FILIP1: variants seen among roughly 807,000 people sequenced by gnomAD.
FILIP1 encodes filamin A interacting protein 1.
In FILIP1, 61 loss-of-function variants were observed where a neutral mutation model predicts 102.1. The ratio of observed to expected loss-of-function variants is 0.60; its 90% CI spans 0.49 to 0.74. The LOEUF (loss-of-function observed/expected upper bound fraction) is 0.74. Among genes scored for constraint, FILIP1 ranks in the 30% least tolerant of loss-of-function variants. FILIP1 has a pLI of 0.00. For missense variants in FILIP1, 1,314 were observed against 1,441.2 expected, an observed-to-expected ratio of 0.91 and a Z score of 1.43; for synonymous variants, 491 against 526.9, an observed-to-expected ratio of 0.93 and a Z score of 0.93.
chr6:75,315,160 G>A lies in FILIP1; in HGVS notation c.672C>T (p.Arg224=), dbSNP rs1381648319. The A allele has an allele frequency of 6.3e-7, 1 of 1,581,434 alleles. No individual in the cohort carries two copies. Among genetic ancestry groups the A allele is most frequent in the East Asian group, 2.3e-5 (1 of 44,444 alleles). The change falls in exon 5 of 6, where the codon CGC becomes CGT. Residue 224 remains arginine, a synonymous_variant. Coordinates refer to ENST00000237172, the MANE Select transcript of FILIP1 (RefSeq NM_015687.5). The part of the protein sequence containing the change: ...LLEQEKAYQA[R]KEKENAKRLN... The stretch of plus-strand genomic sequence containing the variant: ...GTCGTTTAGCATTTTCCTTTTCTTT[G>A]CGGGCTTGATAAGCCTTTTCTTGTT...
intron 6 of FILIP1, chr6:75,295,994 C>A: frequency 1.5e-6 from 2 of 1,312,086 alleles, no homozygotes; most frequent in Non-Finnish European, 1.0e-6. Flanking sequence ...TAAACTGAAA[C>A]TGAGAATCAA....
At chr6:75,326,655 A>G (rs1773875815) in intron 4 of FILIP1, among the ~76,000 whole-genome samples, 1 of 152,238 alleles carries the variant, frequency 6.6e-6, no homozygotes, top group African/African-American at 2.4e-5. Context: ...TGAGCAAGGC[A>G]ATACTATACC....
At chr6:75,464,885 T>C (rs1007629233) in intron 1 of FILIP1, among the ~76,000 whole-genome samples, 1 of 152,130 alleles carries the variant, frequency 6.6e-6, no homozygotes, top group African/African-American at 2.4e-5. Flanking sequence ...TTCTCTCACA[T>C]CCACATCCAA....
intron 3 of FILIP1, among the ~76,000 whole-genome samples, chr6:75,362,207 T>C (rs547250347): frequency 5.8e-4 from 88 of 152,358 alleles, no homozygotes; most frequent in African/African-American, 2.1e-3. Flanking sequence ...ATAATAGTCA[T>C]AGCCCTAGTA....
intron 4 of FILIP1, among the ~76,000 whole-genome samples, chr6:75,329,878 T>A (rs1774010917): frequency 2.0e-5 from 3 of 152,324 alleles, no homozygotes; most frequent in African/African-American, 7.2e-5. Flanking sequence ...TCAGGGTACA[T>A]GAGGTATCCA....
At chr6:75,357,888 A>T (rs959577417) in intron 3 of FILIP1, among the ~76,000 whole-genome samples, 18 of 152,194 alleles carry the variant, frequency 1.2e-4, no homozygotes, top group African/African-American at 4.1e-4. Flanking sequence ...GATTCTGTAG[A>T]TTCATTAATC....
In FILIP1 at chr6:75,314,713, GTTT is replaced by G; in HGVS notation, c.1116_1118del (p.Asn373del). Reference sequence around the variant, plus strand: ...TTTCCACTTCTGCCATGAGGCTAGAGTTTCCACATTCTCCTTTGGCAATTTTAT... The same window carrying G: ...TTTCCACTTCTGCCATGAGGCTAGAGCCACATTCTCCTTTGGCAATTTTAT... On this transcript the variant is annotated inframe_deletion, in exon 5 of 6. Transcript: ENST00000237172. 6.2e-7 allele frequency: 1 copy of G among 1,614,160 alleles called. No individual in the cohort carries two copies. Among genetic ancestry groups the G allele is most frequent in the Non-Finnish European group, 8.5e-7 (1 of 1,180,018 alleles).
At chr6:75,322,882 C>T (rs556187607) in intron 4 of FILIP1, among the ~76,000 whole-genome samples, 12 of 152,142 alleles carry the variant, frequency 7.9e-5, no homozygotes, top group East Asian at 1.9e-4. Context: ...TCAGTAGAGA[C>T]GGGGTTTTAC....
intron 3 of FILIP1, among the ~76,000 whole-genome samples, chr6:75,360,155 T>C (rs1775128753): frequency 6.6e-6 from 1 of 152,176 alleles, no homozygotes; most frequent in African/African-American, 2.4e-5. Context: ...TGGCTGAAGA[T>C]TTTCTCTATC....
intron 1 of FILIP1, among the ~76,000 whole-genome samples, chr6:75,462,930 A>C (rs1212382056): frequency 6.6e-6 from 1 of 152,162 alleles, no homozygotes; most frequent in African/African-American, 2.4e-5. Context: ...GGATAGGGGA[A>C]TGGGAAGAGG....
At chr6:75,470,625 A>C (rs1012729469) in intron 1 of FILIP1, among the ~76,000 whole-genome samples, 1 of 152,230 alleles carries the variant, frequency 6.6e-6, no homozygotes, top group Admixed American at 6.5e-5. Flanking sequence ...ATATGATAAA[A>C]GTGGAACTTC....
intron 1 of FILIP1, among the ~76,000 whole-genome samples, chr6:75,470,845 C>A (rs201409836): frequency 5.3e-5 from 8 of 151,858 alleles, no homozygotes; most frequent in African/African-American, 1.7e-4. Flanking sequence ...GAATAAGACA[C>A]AAAAAGCAAA....
At chr6:75,304,867 T>C (rs769986357), downstream of FILIP1, among the ~76,000 whole-genome samples, 13 of 152,176 alleles carry the variant, frequency 8.5e-5, no homozygotes, top group Non-Finnish European at 1.3e-4. Flanking sequence ...CTGGCTGATA[T>C]TTGAACTATG....
chr6:75,312,501 A>G lies in FILIP1; in HGVS notation c.3331T>C (p.Ser1111Pro). ...KEVSTGTVLR[S>P]PRNHLSSRPG... ...CGTGAGGAGAGGTGATTCCTGGGAG[A>G]GCGAAGGACAGTGCCGGTGGAAACC... The change falls in exon 5 of 6, where the codon TCT becomes CCT. Residue 1111 changes from serine to proline, a missense_variant. By Grantham distance (74) the Ser-to-Pro change is moderately conservative. Transcript: ENST00000237172. 6.2e-7 allele frequency: 1 copy of G among 1,614,066 alleles called. No individual in the cohort carries two copies. Among genetic ancestry groups the G allele is most frequent in the Non-Finnish European group, 8.5e-7 (1 of 1,180,028 alleles).
intron 5 of FILIP1, among the ~76,000 whole-genome samples, chr6:75,309,573 C>A (rs1471602361): frequency 6.6e-6 from 1 of 152,180 alleles, no homozygotes; most frequent in African/African-American, 2.4e-5. Flanking sequence ...TGTGTTCAAA[C>A]CCTGGGATCC....
At chr6:75,457,612 GTCTCTCTCTC>G (rs68150078) in intron 1 of FILIP1, among the ~76,000 whole-genome samples, 5 of 142,642 alleles carry the variant, frequency 3.5e-5, no homozygotes, top group South Asian at 2.3e-4. Flanking sequence ...TTCAAACAAA[GTCTCTCTCTC>G]TCTCTCTCTC....
intron 5 of FILIP1, 118 bp downstream of exon 5, chr6:75,312,279 G>T: frequency 1.0e-6 from 1 of 958,964 alleles, no homozygotes; most frequent in Non-Finnish European, 1.6e-6. Context: ...AGCATCTGTT[G>T]GTGGATTCAG....
intron 2 of FILIP1, among the ~76,000 whole-genome samples, chr6:75,373,550 C>T (rs1276828020): frequency 6.6e-6 from 1 of 152,040 alleles, no homozygotes; most frequent in East Asian, 1.9e-4. Flanking sequence ...TGCAATCCTC[C>T]CATTTCAGCC....
chr6:75,396,421 T>C (rs573050719), intron 2 of FILIP1, among the ~76,000 whole-genome samples: 9 of 152,198 alleles, frequency 5.9e-5, no homozygotes, highest in Admixed American at 4.6e-4. Flanking sequence ...AGTAAAGCGG[T>C]GGCAGTGGAG....
Sources: gnomAD v4.1 joint callset for allele counts (sites outside exome capture counted in the v4.1 genomes callset) on GRCh38, gnomAD v4.1.1 for gene constraint, MANE v1.5 for transcripts, NCBI Gene and HGNC (gene_info 2026-07-23, HGNC 2026-07-21) for gene names.